CPQ: variants seen among roughly 807,000 people sequenced by gnomAD.
CPQ encodes carboxypeptidase Q.
CPQ carries 37 observed loss-of-function variants against 45.7 expected under a neutral mutation model. That is an observed-to-expected ratio of 0.81 (90% CI 0.62 to 1.07). CPQ has a LOEUF of 1.07. Among genes scored for constraint, CPQ ranks in the 50% least tolerant of loss-of-function variants. The probability of loss-of-function intolerance (pLI) is 0.00; values close to 1 mark genes in which losing one functional copy is unlikely to be tolerated. For missense variants in CPQ, 537 were observed against 572.9 expected (o/e 0.94, Z 0.64); for synonymous variants, 186 against 205.8 (o/e 0.90, Z 0.82).
At chr8:96,753,685 G>C (rs182122611) in intron 1 of CPQ, among the ~76,000 whole-genome samples, 1 of 151,786 alleles carries the variant, frequency 6.6e-6, no homozygotes, top group Admixed American at 6.6e-5. Flanking sequence ...ATTGATTTTG[G>C]TTCTTTTTGT....
intron 1 of CPQ, among the ~76,000 whole-genome samples, chr8:96,725,799 G>A (rs542982806): frequency 6.6e-6 from 1 of 152,260 alleles, no homozygotes; most frequent in Non-Finnish European, 1.5e-5. Context: ...GTTTACCATA[G>A]CACTATTCAC....
Position 96,756,444 on chromosome 8 carries a change from A to G in CPQ, c.-34-28420A>G, listed in dbSNP as rs574334445. Among the ~76,000 whole-genome samples the G allele has an allele frequency of 2.6e-5, 4 of 152,240 alleles. No homozygotes were observed. The South Asian group carries it at 8.3e-4, about 32-fold the overall frequency. On this transcript the variant is annotated intron_variant, in intron 1 of 7. Coordinates refer to ENST00000220763, the MANE Select transcript of CPQ (RefSeq NM_016134.4). ...TCTAATTAAATTTTCTATACTTTGT[A>G]GGTTAATTCTGAAAGTCAAATACTG...
chr8:96,671,057 A>C (rs1350195896), intron 1 of CPQ, among the ~76,000 whole-genome samples: 6 of 152,172 alleles, frequency 3.9e-5, no homozygotes, highest in East Asian at 1.9e-4. Context: ...TTTACATAGG[A>C]TCTCTCTGTA....
At chr8:97,136,142 C>T (rs1161241369) in intron 7 of CPQ, among the ~76,000 whole-genome samples, 6 of 151,526 alleles carry the variant, frequency 4.0e-5, no homozygotes, top group Admixed American at 2.0e-4. Context: ...CACCCAGTCA[C>T]GTAGCTGGAA....
At chr8:97,077,949 TAAG>T (rs1021853764) in intron 7 of CPQ, among the ~76,000 whole-genome samples, 3 of 152,238 alleles carry the variant, frequency 2.0e-5, no homozygotes, top group African/African-American at 7.2e-5. Flanking sequence ...TACTTTTGTA[TAAG>T]AAGGTAGGAT....
chr8:96,794,831 C>T (rs1316565944), intron 2 of CPQ, among the ~76,000 whole-genome samples: 2 of 152,162 alleles, frequency 1.3e-5, no homozygotes, highest in African/African-American at 4.8e-5. Flanking sequence ...TGCCACCACT[C>T]TCTTTGCTAA....
intron 1 of CPQ, among the ~76,000 whole-genome samples, chr8:96,673,243 G>T (rs1195365189): frequency 6.6e-6 from 1 of 152,188 alleles, no homozygotes; most frequent in East Asian, 1.9e-4. Context: ...TCCACAGAAT[G>T]AGAGTGGACT....
chr8:97,037,576 G>C (rs757720583), intron 6 of CPQ, among the ~76,000 whole-genome samples: 2 of 152,148 alleles, frequency 1.3e-5, no homozygotes, highest in Non-Finnish European at 2.9e-5. Context: ...CACAAAACTG[G>C]TTTAAATTTC....
intron 1 of CPQ, among the ~76,000 whole-genome samples, chr8:96,665,636 T>C (rs1321124579): frequency 6.6e-6 from 1 of 152,318 alleles, no homozygotes; most frequent in East Asian, 1.9e-4. Context: ...TTTGTGATGT[T>C]CATAATTAGT....
chr8:97,029,351 T>A lies in CPQ; in HGVS notation c.962-52T>A. Reference sequence around the variant, plus strand: ...GATGAGGGACCCTGCCATTTTTTTATAAAATTCAAAATCAACTAAAGTATC... The same window carrying A: ...GATGAGGGACCCTGCCATTTTTTTAAAAAATTCAAAATCAACTAAAGTATC... On this transcript the variant is annotated intron_variant, in intron 5 of 7. Transcript: ENST00000220763. 4 of 1,527,208 alleles carry A rather than the reference T, an allele frequency of 2.6e-6. No homozygotes were observed. The South Asian group carries it at 4.8e-5, about 18-fold the overall frequency. The allele number at this position is 1,527,208 out of a possible 1,614,324, so 94.6% of individuals were successfully genotyped here.
chr8:96,927,381 C>T (rs1245159295), intron 4 of CPQ, among the ~76,000 whole-genome samples: 1 of 152,196 alleles, frequency 6.6e-6, no homozygotes, highest in Non-Finnish European at 1.5e-5. Flanking sequence ...CAATGCTTGA[C>T]TGTGCCAGTT....
At chr8:96,883,735 T>C (rs1187202587) in intron 4 of CPQ, among the ~76,000 whole-genome samples, 2 of 152,194 alleles carry the variant, frequency 1.3e-5, no homozygotes. Context: ...AAATGTCGCT[T>C]CTTCCATGAA....
At chr8:96,867,229 C>T (rs1366113616) in intron 3 of CPQ, among the ~76,000 whole-genome samples, 1 of 152,038 alleles carries the variant, frequency 6.6e-6, no homozygotes, top group Non-Finnish European at 1.5e-5. Flanking sequence ...TTTAATTTCT[C>T]AATTTCTTAA....
chr8:96,786,487 T>A (rs1810770161), intron 2 of CPQ, among the ~76,000 whole-genome samples: 1 of 152,162 alleles, frequency 6.6e-6, no homozygotes, highest in East Asian at 1.9e-4. Flanking sequence ...GCTATGAACA[T>A]TCATGCACAA....
intron 4 of CPQ, among the ~76,000 whole-genome samples, chr8:96,920,939 A>T (rs1812797910): frequency 6.6e-6 from 1 of 152,204 alleles, no homozygotes; most frequent in Non-Finnish European, 1.5e-5. Context: ...TACAGCAGCT[A>T]AGCAAACTAA....
chr8:97,125,076 C>A (rs1811824930), intron 7 of CPQ, among the ~76,000 whole-genome samples: 1 of 152,116 alleles, frequency 6.6e-6, no homozygotes, highest in Non-Finnish European at 1.5e-5. Context: ...CACATGACTA[C>A]ACATACGTCA....
At chr8:97,110,889 C>T (rs563945313) in intron 7 of CPQ, among the ~76,000 whole-genome samples, 3 of 152,282 alleles carry the variant, frequency 2.0e-5, no homozygotes, top group African/African-American at 7.2e-5. Flanking sequence ...ATCCGACTCA[C>T]CCAGCAGTGT....
At chr8:96,824,838 T>C (rs1204539121) in intron 2 of CPQ, among the ~76,000 whole-genome samples, 4 of 152,200 alleles carry the variant, frequency 2.6e-5, no homozygotes. Context: ...TGGGGATAAA[T>C]GGCCCAGGAG....
chr8:96,930,749 G>A (rs1812963120), intron 4 of CPQ, among the ~76,000 whole-genome samples: 5 of 152,288 alleles, frequency 3.3e-5, no homozygotes, highest in Middle Eastern at 3.4e-3. Flanking sequence ...GAATGGAGAT[G>A]TATCTGGTTG....
Sources: allele counts gnomAD v4.1 joint callset (sites outside exome capture counted in the v4.1 genomes callset), GRCh38; gene constraint gnomAD v4.1.1; transcripts MANE v1.5; gene names NCBI Gene and HGNC (gene_info 2026-07-23, HGNC 2026-07-21).